BICRA: variants seen among roughly 807,000 people sequenced by gnomAD.
BICRA encodes BRD4-interacting chromatin-remodeling complex-associated protein.
A neutral mutation model predicts 96.9 loss-of-function variants in BICRA; 31 were observed. The ratio of observed to expected loss-of-function variants is 0.32; its 90% CI spans 0.24 to 0.43. The LOEUF is 0.43. Among genes scored for constraint, BICRA ranks in the 20% least tolerant of loss-of-function variants. BICRA has a pLI of 1.00. For missense variants in BICRA, 2,283 were observed against 2,190.3 expected, an observed-to-expected ratio of 1.04 and a Z score of -0.84; for synonymous variants, 1,350 against 1,071.8, an observed-to-expected ratio of 1.26 and a Z score of -5.07.
At chr19:47,688,804 A>AT (rs898102420) in intron 7 of BICRA, among the ~76,000 whole-genome samples, 1 of 124,540 alleles carries the variant, frequency 8.0e-6, no homozygotes, top group Non-Finnish European at 1.7e-5. Context: ...AAAAAAAAAA[A>AT]TTTTTTTTTC....
intron 1 of BICRA, among the ~76,000 whole-genome samples, chr19:47,640,532 GAAA>G (rs11292760): frequency 4.5e-5 from 5 of 110,470 alleles, no homozygotes; most frequent in African/African-American, 1.4e-4. Flanking sequence ...TGTCTCAAAA[GAAA>G]AAAAAAAAAA....
chr19:47,639,678 C>G (rs1396870462), intron 1 of BICRA, among the ~76,000 whole-genome samples: 2 of 139,670 alleles, frequency 1.4e-5, no homozygotes, highest in African/African-American at 5.3e-5. Context: ...TTCTCTGTGT[C>G]GCCCTGGTTG....
At chr19:47,647,568 T>G (rs1243888299) in intron 1 of BICRA, among the ~76,000 whole-genome samples, 1 of 152,052 alleles carries the variant, frequency 6.6e-6, no homozygotes, top group East Asian at 1.9e-4. Context: ...AGACAGTAGG[T>G]CCTGTTAGGT....
Position 47,702,534 on chromosome 19 carries a change from A to G in BICRA, c.*119A>G. The G allele has an allele frequency of 8.4e-7, 1 of 1,196,872 alleles. No homozygotes were observed. The highest frequency in any genetic ancestry group is 1.8e-5 in the South Asian group (1 of 54,578). The allele number at this position is 1,196,872 out of a possible 1,614,324, so 74.1% of individuals were successfully genotyped here. Reference sequence around the variant, plus strand: ...ATCCCCTGACGGTTTTTCTTGCCTAAGTTATTTGAGTCACAAAGGCCTCCT... The same window carrying G: ...ATCCCCTGACGGTTTTTCTTGCCTAGGTTATTTGAGTCACAAAGGCCTCCT... On this transcript the variant is annotated 3_prime_UTR_variant, in exon 15 of 15. Transcript: ENST00000594866.
chr19:47,639,799 C>T (rs906917807), intron 1 of BICRA, among the ~76,000 whole-genome samples: 6 of 151,738 alleles, frequency 4.0e-5, no homozygotes, highest in Non-Finnish European at 7.4e-5. Context: ...TGCACCACCA[C>T]GCCCACCTAA....
Position 47,680,640 on chromosome 19 carries a change from G to C in BICRA, c.1470G>C (p.Pro490=). 2 of 1,609,214 alleles carry C rather than the reference G, an allele frequency of 1.2e-6. No individual in the cohort carries two copies. Among genetic ancestry groups the C allele is most frequent in the Non-Finnish European group, 1.7e-6 (2 of 1,178,072 alleles). Reference sequence around the variant, plus strand: ...TCCCGCAGCAGCTCTCAGCCCTGCCGGCCAACGTGGGCGGGCAGATCCTGG... The same window carrying C: ...TCCCGCAGCAGCTCTCAGCCCTGCCCGCCAACGTGGGCGGGCAGATCCTGG... ...VQLPQQLSAL[P]ANVGGQILAA... is the part of the protein sequence containing the mutation. Residue 490 remains proline (P), a synonymous_variant, in exon 6 of 15, where the codon CCG becomes CCC. Transcript: ENST00000594866.
At chr19:47,642,702 AAAAAG>A (rs1362448274) in intron 1 of BICRA, among the ~76,000 whole-genome samples, 1 of 152,194 alleles carries the variant, frequency 6.6e-6, no homozygotes. Flanking sequence ...ACCCTGTCTC[AAAAAG>A]AAAAGAAAAA....
chr19:47,615,341 C>G (rs977210692), intron 1 of BICRA, among the ~76,000 whole-genome samples: 3 of 152,212 alleles, frequency 2.0e-5, no homozygotes, highest in African/African-American at 7.2e-5. Flanking sequence ...GTGATCCCAC[C>G]TGTCGCCCAG....
At chr19:47,659,700 A>ACACACC (rs1972674918) in intron 1 of BICRA, among the ~76,000 whole-genome samples, 1 of 142,810 alleles carries the variant, frequency 7.0e-6, no homozygotes, top group South Asian at 2.3e-4. Flanking sequence ...ACACACACAC[A>ACACACC]CACACACACA....
At chr19:47,643,902 A>G (rs73045716) in intron 1 of BICRA, among the ~76,000 whole-genome samples, 19,619 of 152,142 alleles carry the variant, frequency 0.13, 1,394 homozygotes, top group East Asian at 0.18. Context: ...TCCGATGTCC[A>G]TTTTGTAGAC....
At position 47,696,490 on chromosome 19, in the gene BICRA, C is replaced by T; in HGVS notation, c.3226C>T (p.Leu1076Phe). The T allele has an allele frequency of 2.5e-6, 4 of 1,605,114 alleles. No homozygotes were observed. The highest frequency in any genetic ancestry group is 1.1e-5 in the South Asian group (1 of 89,096). The change falls in exon 11 of 15, where the codon CTT becomes TTT. Residue 1076 changes from leucine to phenylalanine, a missense_variant. Coordinates refer to ENST00000594866, the MANE Select transcript of BICRA (RefSeq NM_001394372.1). Reference sequence around the variant, plus strand: ...GAGTGGCCTGAAGAAGCCCCCCACGCTTCAGCCCAGCAAGGAAGCCTGGTG... The same window carrying T: ...GAGTGGCCTGAAGAAGCCCCCCACGTTTCAGCCCAGCAAGGAAGCCTGGTG... The part of the protein sequence containing the change: ...KLSGLKKPPT[L>F]QPSKEACFLE...
chr19:47,656,132 T>A (rs1385829405), intron 1 of BICRA, among the ~76,000 whole-genome samples: 4 of 146,990 alleles, frequency 2.7e-5, no homozygotes. Flanking sequence ...TAAGTAAATT[T>A]TAGAATTAGC....
At chr19:47,627,071 C>A (rs1200204199) in intron 1 of BICRA, among the ~76,000 whole-genome samples, 1 of 152,134 alleles carries the variant, frequency 6.6e-6, no homozygotes, top group African/African-American at 2.4e-5. Context: ...GGTACAGGGG[C>A]CAAGACCACA....
chr19:47,616,545 A>G (rs766337677), intron 1 of BICRA, among the ~76,000 whole-genome samples: 7 of 151,982 alleles, frequency 4.6e-5, no homozygotes, highest in Non-Finnish European at 4.4e-5. Context: ...AGGCTGAGGC[A>G]TGAGAATCGC....
rs945509256 is a variant in BICRA at position 47,680,984 on chromosome 19, C to T, written c.1814C>T (p.Pro605Leu). ...MLNTPDGLVQ[P>L]ATPAAATGEA... is the part of the protein sequence containing the mutation. The stretch of plus-strand genomic sequence containing the variant: ...AACACCCCCGACGGCCTGGTGCAGC[C>T]GGCCACCCCTGCCGCTGCCACCGGG... Residue 605 changes from proline to leucine, a missense_variant, in exon 6 of 15, where the codon CCG becomes CTG. Pro to Leu is a moderately conservative substitution (Grantham distance 98). Transcript: ENST00000594866. 3 of 1,465,010 alleles carry T rather than the reference C, an allele frequency of 2.0e-6. No homozygotes were observed. Among genetic ancestry groups the T allele is most frequent in the African/African-American group, 3.0e-5 (2 of 67,172 alleles). 90.8% of individuals were successfully genotyped at this position (1,465,010 alleles called of 1,614,324 possible).
At chr19:47,672,781 T>C (rs1972886363) in intron 2 of BICRA, among the ~76,000 whole-genome samples, 1 of 151,968 alleles carries the variant, frequency 6.6e-6, no homozygotes, top group South Asian at 2.1e-4. Context: ...AAGCTAACAT[T>C]GCTGAAGTGC....
At chr19:47,612,970 GGA>G (rs1568543943) in intron 1 of BICRA, among the ~76,000 whole-genome samples, 1 of 152,200 alleles carries the variant, frequency 6.6e-6, no homozygotes, top group Non-Finnish European at 1.5e-5. Flanking sequence ...GTGGGCAGGA[GGA>G]GAGGGGCTGT....
At chr19:47,682,430 C>G (rs1973079581) in intron 7 of BICRA, among the ~76,000 whole-genome samples, 1 of 152,200 alleles carries the variant, frequency 6.6e-6, no homozygotes, top group South Asian at 2.1e-4. Context: ...ATAAGTAATA[C>G]ATTCAGATAA....
At position 47,702,203 on chromosome 19, in the gene BICRA, A is replaced by C; in HGVS notation, c.4471A>C (p.Ser1491Arg). 6.3e-7 allele frequency: 1 copy of C among 1,594,958 alleles called. No individual in the cohort carries two copies. The highest frequency in any genetic ancestry group is 1.1e-5 in the South Asian group (1 of 89,580). Residue 1491 changes from serine to arginine, a missense_variant, in exon 15 of 15, where the codon AGC becomes CGC. Physicochemically the swap from Ser to Arg is moderately radical, Grantham distance 110. Coordinates refer to ENST00000594866, the MANE Select transcript of BICRA (RefSeq NM_001394372.1). The stretch of plus-strand genomic sequence containing the variant: ...GGACCAGGCCAGCTTCTCCAGCGAC[A>C]GCCCGCAGGATGACACGCTCACCGA... ...DVDQASFSSD[S>R]PQDDTLTEHL...
Sources: allele counts gnomAD v4.1 joint callset (sites outside exome capture counted in the v4.1 genomes callset), GRCh38; gene constraint gnomAD v4.1.1; transcripts MANE v1.5; gene names NCBI Gene and HGNC (gene_info 2026-07-23, HGNC 2026-07-21).